Variants in FHIT observed in about 807,000 individuals in gnomAD.
FHIT encodes the protein bis(5'-adenosyl)-triphosphatase.
A neutral mutation model predicts 17.9 loss-of-function variants in FHIT; 19 were observed. The ratio of observed to expected loss-of-function variants is 1.06; its 90% CI spans 0.74 to 1.56. The LOEUF (loss-of-function observed/expected upper bound fraction) is 1.56. FHIT is among the 40% of genes most tolerant of loss of function. The pLI, the probability that FHIT is intolerant of heterozygous loss-of-function variation, is 0.00. For synonymous variants in FHIT, 81 were observed against 69.7 expected, an observed-to-expected ratio of 1.16 and a Z score of -0.81; for missense variants, 248 against 189.2, an observed-to-expected ratio of 1.31 and a Z score of -1.82.
chr3:60,450,402 G>GTA (rs540834942), intron 5 of FHIT, among the ~76,000 whole-genome samples: 63 of 151,980 alleles, frequency 4.1e-4, no homozygotes, highest in Non-Finnish European at 7.5e-4. Flanking sequence ...ATATAAATAT[G>GTA]TATATATATC....
At chr3:60,308,798 G>A (rs1708805681) in intron 5 of FHIT, among the ~76,000 whole-genome samples, 1 of 152,014 alleles carries the variant, frequency 6.6e-6, no homozygotes, top group South Asian at 2.1e-4. Flanking sequence ...ATCACCAAAA[G>A]TATACTATTT....
chr3:60,172,004 A>T (rs1319902827), intron 5 of FHIT, among the ~76,000 whole-genome samples: 3 of 152,200 alleles, frequency 2.0e-5, no homozygotes, highest in Non-Finnish European at 2.9e-5. Flanking sequence ...TAGTGAACCA[A>T]TGCTGAGAAC....
intron 5 of FHIT, among the ~76,000 whole-genome samples, chr3:60,454,384 CTTT>C (rs111674048): frequency 6.9e-6 from 1 of 144,150 alleles, no homozygotes; most frequent in Non-Finnish European, 1.5e-5. Flanking sequence ...TTTAACCAAA[CTTT>C]TTTTTTTTTT....
At chr3:60,376,605 G>A (rs569910549) in intron 5 of FHIT, among the ~76,000 whole-genome samples, 3 of 152,200 alleles carry the variant, frequency 2.0e-5, no homozygotes, top group African/African-American at 7.2e-5. Flanking sequence ...AAATTTCAAT[G>A]CAAAACAAAC....
At chr3:60,289,461 C>G (rs144675880) in intron 5 of FHIT, among the ~76,000 whole-genome samples, 3 of 151,990 alleles carry the variant, frequency 2.0e-5, no homozygotes, top group African/African-American at 7.2e-5. Context: ...AAAGAGGAAA[C>G]GACTAACAGA....
At chr3:60,679,555 G>T (rs2040698791) in intron 4 of FHIT, among the ~76,000 whole-genome samples, 1 of 151,874 alleles carries the variant, frequency 6.6e-6, no homozygotes. Flanking sequence ...ATTTTTGAAA[G>T]ATTTTAAAAC....
At position 61,152,385 on chromosome 3, in the gene FHIT, A is replaced by G. The variant is rs1213823861; in HGVS notation, c.-164+48232T>C. On this transcript the variant is annotated intron_variant, in intron 2 of 9. Transcript: ENST00000492590. The stretch of plus-strand genomic sequence containing the variant: ...TAAAAAGGCTAACTTTTTAATTTTA[A>G]TAGATTCAAGTGTTTTGAAATACAT... Among the ~76,000 whole-genome samples, 4 of 152,260 alleles carry G rather than the reference A, an allele frequency of 2.6e-5. No homozygotes were observed. The East Asian group carries it at 7.7e-4, about 29-fold the overall frequency.
chr3:60,524,625 C>T (rs752121025), intron 5 of FHIT, among the ~76,000 whole-genome samples: 9 of 152,252 alleles, frequency 5.9e-5, no homozygotes, highest in South Asian at 2.1e-4. Flanking sequence ...TGGAGGCCAG[C>T]GTGGCATCCA....
At chr3:59,943,866 C>A (rs1157578198) in intron 7 of FHIT, among the ~76,000 whole-genome samples, 5 of 152,180 alleles carry the variant, frequency 3.3e-5, no homozygotes, top group African/African-American at 1.2e-4. Flanking sequence ...CTCATCACAC[C>A]ACTGACTGCT....
chr3:60,010,797 C>G (rs554973982), intron 7 of FHIT, among the ~76,000 whole-genome samples: 3 of 152,270 alleles, frequency 2.0e-5, no homozygotes, highest in Admixed American at 2.0e-4. Context: ...AAAAACCCAT[C>G]TTTGAGCTCC....
chr3:61,082,481 A>G (rs889398267), intron 2 of FHIT, among the ~76,000 whole-genome samples: 5 of 152,286 alleles, frequency 3.3e-5, no homozygotes, highest in East Asian at 1.9e-4. Flanking sequence ...TCTAATGTTG[A>G]TGACCATTCA....
intron 5 of FHIT, among the ~76,000 whole-genome samples, chr3:60,383,749 A>C (rs887654887): frequency 6.6e-6 from 1 of 152,178 alleles, no homozygotes; most frequent in Non-Finnish European, 1.5e-5. Flanking sequence ...TCTACTATAA[A>C]AATAGCATTT....
chr3:59,966,405 A>T (rs113772718), intron 7 of FHIT, among the ~76,000 whole-genome samples: 1 of 152,192 alleles, frequency 6.6e-6, no homozygotes, highest in African/African-American at 2.4e-5. Flanking sequence ...AACTAACTAC[A>T]GCTAGCCATG....
chr3:61,040,424 G>T (rs184116835), intron 3 of FHIT, among the ~76,000 whole-genome samples: 1 of 152,174 alleles, frequency 6.6e-6, no homozygotes, highest in African/African-American at 2.4e-5. Flanking sequence ...CAATTTATTT[G>T]TCTATCCAGA....
At chr3:60,526,399 T>C (rs2035577082) in intron 5 of FHIT, among the ~76,000 whole-genome samples, 2 of 152,108 alleles carry the variant, frequency 1.3e-5, no homozygotes, top group Non-Finnish European at 2.9e-5. Context: ...AGCACCTCAG[T>C]TGGCCCAGCA....
chr3:61,117,909 G>C (rs1197871084), intron 2 of FHIT, among the ~76,000 whole-genome samples: 1 of 152,142 alleles, frequency 6.6e-6, no homozygotes, highest in Non-Finnish European at 1.5e-5. Context: ...AATGAACAAA[G>C]CTGCGAGTGG....
intron 5 of FHIT, among the ~76,000 whole-genome samples, chr3:60,130,773 TGTGTGTGTGTG>T (rs1699513432): frequency 4.2e-3 from 1 of 238 alleles, no homozygotes; most frequent in East Asian, 0.071. Context: ...TGTTTGTGTG[TGTGTGTGTGTG>T]GTGTGTATAT....
At chr3:60,157,664 G>A (rs936383222) in intron 5 of FHIT, among the ~76,000 whole-genome samples, 2 of 152,168 alleles carry the variant, frequency 1.3e-5, no homozygotes, top group African/African-American at 2.4e-5. Flanking sequence ...TACCCTGTAA[G>A]AGGACTTGGG....
intron 5 of FHIT, among the ~76,000 whole-genome samples, chr3:60,078,314 G>A (rs898143959): frequency 6.6e-6 from 1 of 152,166 alleles, no homozygotes; most frequent in Non-Finnish European, 1.5e-5. Flanking sequence ...GAGCATCAGT[G>A]TCTCCTGATA....
Sources: gnomAD v4.1 joint callset for allele counts (sites outside exome capture counted in the v4.1 genomes callset) on GRCh38, gnomAD v4.1.1 for gene constraint, MANE v1.5 for transcripts, NCBI Gene and HGNC (gene_info 2026-07-23, HGNC 2026-07-21) for gene names.